Variants in AKAP19 observed in about 807,000 individuals in gnomAD.
AKAP19 encodes A-kinase anchoring protein 19, also known as small A-kinase anchoring protein.
chr2:190,044,574 T>G, the AKAP19 span, among the ~76,000 whole-genome samples: 1 of 152,108 alleles, frequency 6.6e-6, no homozygotes, highest in Non-Finnish European at 1.5e-5. Flanking sequence ...TCCAGGGAGT[T>G]GCCAAGCTGC....
the AKAP19 span, among the ~76,000 whole-genome samples, chr2:190,187,246 A>G: frequency 1.3e-5 from 2 of 152,154 alleles, no homozygotes; most frequent in South Asian, 2.1e-4. Flanking sequence ...ATTTTAAGCA[A>G]TAACTTGAGA....
chr2:190,192,980 AATCTTT>A, the AKAP19 span, among the ~76,000 whole-genome samples: 7 of 151,980 alleles, frequency 4.6e-5, no homozygotes, highest in East Asian at 1.4e-3. Flanking sequence ...TCCTTCTCTC[AATCTTT>A]ATGCTTTGTA....
chr2:190,120,918 A>G, the AKAP19 span, among the ~76,000 whole-genome samples: 1 of 152,188 alleles, frequency 6.6e-6, no homozygotes, highest in African/African-American at 2.4e-5. Flanking sequence ...TGTCAACACC[A>G]ACTATGAGAT....
chr2:190,023,795 GTATATA>G, the AKAP19 span, among the ~76,000 whole-genome samples: 5,491 of 142,512 alleles, frequency 0.039, 308 homozygotes, highest in African/African-American at 0.12. Context: ...ATGTGTGTGT[GTATATA>G]TATATATATA....
chr2:189,934,839 C>A, the AKAP19 span, among the ~76,000 whole-genome samples: 1 of 151,626 alleles, frequency 6.6e-6, no homozygotes, highest in African/African-American at 2.4e-5. Flanking sequence ...GAGCCTCAAA[C>A]AGAAAGAAAA....
chr2:189,988,944 G>T, the AKAP19 span, among the ~76,000 whole-genome samples: 1 of 152,164 alleles, frequency 6.6e-6, no homozygotes, highest in Non-Finnish European at 1.5e-5. Context: ...CAAGGCAGCA[G>T]TCTAGTTTTG....
At chr2:190,010,834 G>A in the AKAP19 span, among the ~76,000 whole-genome samples, 1 of 152,018 alleles carries the variant, frequency 6.6e-6, no homozygotes, top group Non-Finnish European at 1.5e-5. Flanking sequence ...ATTAAATCAA[G>A]CTAGTTAATA....
At chr2:189,986,717 A>G in the AKAP19 span, among the ~76,000 whole-genome samples, 1 of 152,086 alleles carries the variant, frequency 6.6e-6, no homozygotes. Context: ...TTCTTATAAT[A>G]CCTTGCTAAA....
the AKAP19 span, among the ~76,000 whole-genome samples, chr2:190,177,502 G>A: frequency 6.6e-6 from 1 of 152,134 alleles, no homozygotes; most frequent in African/African-American, 2.4e-5. The surrounding 1 kb of genome is among the most constrained non-coding windows in gnomAD (Gnocchi z 4.6). Context: ...TTCCTGACAA[G>A]GCCACATCAT....
At chr2:190,036,654 T>C in the AKAP19 span, among the ~76,000 whole-genome samples, 3 of 152,188 alleles carry the variant, frequency 2.0e-5, no homozygotes, top group African/African-American at 7.2e-5. Context: ...ATTTTCAATT[T>C]TATTAGAAAA....
At chr2:190,031,670 A>G in the AKAP19 span, among the ~76,000 whole-genome samples, 1 of 152,314 alleles carries the variant, frequency 6.6e-6, no homozygotes, top group East Asian at 1.9e-4. Flanking sequence ...ACACCTTAGA[A>G]AAACAGCCAC....
At chr2:190,087,366 G>A in the AKAP19 span, among the ~76,000 whole-genome samples, 4 of 152,156 alleles carry the variant, frequency 2.6e-5, no homozygotes, top group African/African-American at 7.2e-5. Context: ...CAACATGCCC[G>A]TTGCTAGGGC....
chr2:190,013,294 T>C, the AKAP19 span, among the ~76,000 whole-genome samples: 193 of 152,272 alleles, frequency 1.3e-3, 2 homozygotes, highest in Middle Eastern at 0.01. Flanking sequence ...CTTTACTTAG[T>C]ATTGGTCTGT....
chr2:190,139,111 A>G, the AKAP19 span, among the ~76,000 whole-genome samples: 2 of 152,250 alleles, frequency 1.3e-5, no homozygotes, highest in Non-Finnish European at 2.9e-5. Flanking sequence ...AGTCTTCTTT[A>G]AACAAGTAAA....
chr2:190,060,507 T>C, the AKAP19 span: 1 of 1,387,874 alleles, frequency 7.2e-7, no homozygotes, highest in South Asian at 1.3e-5. Flanking sequence ...TATTAATAGT[T>C]GAGCATTTTT....
At chr2:189,946,030 A>C in the AKAP19 span, among the ~76,000 whole-genome samples, 2 of 152,212 alleles carry the variant, frequency 1.3e-5, no homozygotes, top group South Asian at 4.1e-4. Flanking sequence ...TTTGGACTTT[A>C]TATCAAGGAA....
chr2:190,079,105 C>A, the AKAP19 span: 2 of 152,172 alleles, frequency 1.3e-5, no homozygotes, highest in Admixed American at 6.5e-5. Flanking sequence ...GACTCATATT[C>A]AACAGTCTAT....
At chr2:190,135,196 A>T in the AKAP19 span, among the ~76,000 whole-genome samples, 1 of 152,110 alleles carries the variant, frequency 6.6e-6, no homozygotes, top group African/African-American at 2.4e-5. Context: ...TCTCAGTCAC[A>T]TTTTCTCCCT....
chr2:190,102,287 C>T, the AKAP19 span, among the ~76,000 whole-genome samples: 1 of 151,504 alleles, frequency 6.6e-6, no homozygotes, highest in Admixed American at 6.6e-5. Context: ...GCTAGAAAAA[C>T]AAGAACAAAC....
Sources: gnomAD v4.1 joint callset for allele counts (sites outside exome capture counted in the v4.1 genomes callset) on GRCh38, gnomAD v4.1.1 for gene constraint, Gnocchi (gnomAD v3.1) non-coding constraint, MANE v1.5 for transcripts, NCBI Gene and HGNC (gene_info 2026-07-23, HGNC 2026-07-21) for gene names.